The following SLC6A13 variants were observed in gnomAD, a reference collection of about 807,000 sequenced individuals.
SLC6A13 encodes the protein solute carrier family 6 member 13, also known as sodium- and chloride-dependent GABA transporter 2.
Under a neutral mutation model 72.9 loss-of-function variants are expected in SLC6A13, and 69 were observed. The ratio of observed to expected loss-of-function variants is 0.95; its 90% CI spans 0.78 to 1.16. The LOEUF is 1.16. Ranked by LOEUF, SLC6A13 falls within the 50% of genes most tolerant of loss-of-function variation. SLC6A13 has a pLI of 0.00. For synonymous variants in SLC6A13, 303 were observed against 303.0 expected (o/e 1.00, Z 0.00); for missense variants, 735 against 760.5 (o/e 0.97, Z 0.39).
At chr12:255,094 C>T (rs553143921) in intron 2 of SLC6A13, among the ~76,000 whole-genome samples, 1 of 152,214 alleles carries the variant, frequency 6.6e-6, no homozygotes, top group African/African-American at 2.4e-5. Flanking sequence ...TGAAAACTCT[C>T]GGATTGCTTA....
At chr12:261,721 T>G (rs1942932140) in intron 1 of SLC6A13, among the ~76,000 whole-genome samples, 1 of 151,266 alleles carries the variant, frequency 6.6e-6, no homozygotes, top group Admixed American at 6.6e-5. Flanking sequence ...AGGTCAGGAG[T>G]TTGAGACCAG....
intron 2 of SLC6A13, chr12:258,873 G>T: frequency 1.0e-6 from 1 of 967,480 alleles, no homozygotes; most frequent in Non-Finnish European, 1.2e-6. Context: ...TAAAAAGAGA[G>T]CCTATACTAG....
intron 2 of SLC6A13, among the ~76,000 whole-genome samples, chr12:258,345 C>T (rs1942813793): frequency 6.6e-6 from 1 of 152,210 alleles, no homozygotes; most frequent in Admixed American, 6.5e-5. Context: ...AGTTCCCACA[C>T]CTCCCCTCTG....
At chr12:248,283 A>T (rs139435608) in intron 2 of SLC6A13, among the ~76,000 whole-genome samples, 435 of 134,394 alleles carry the variant, frequency 3.2e-3, no homozygotes, top group African/African-American at 0.011. Flanking sequence ...GGATAGAAAG[A>T]TATACCATGC....
chr12:243,732 T>C lies in SLC6A13; in HGVS notation c.284A>G (p.Tyr95Cys), dbSNP rs1475773656. Residue 95 changes from tyrosine to cysteine, a missense_variant, in exon 3 of 15, where the codon TAC becomes TGC. Coordinates refer to ENST00000343164, the MANE Select transcript of SLC6A13 (RefSeq NM_016615.5). ...VFLLETALGQ[Y>C]TSQGGVTAWR... Reference sequence around the variant, plus strand: ...GGCTGTGACGCCTCCCTGGCTAGTGTACTGGCCTAGTGCTGTCTCCAGAAG... The same window carrying C: ...GGCTGTGACGCCTCCCTGGCTAGTGCACTGGCCTAGTGCTGTCTCCAGAAG... 1 of 1,613,842 alleles carries C rather than the reference T, an allele frequency of 6.2e-7. No individual in the cohort carries two copies. The highest frequency in any genetic ancestry group is 8.5e-7 in the Non-Finnish European group (1 of 1,179,792).
chr12:252,546 G>T (rs1942589816), intron 2 of SLC6A13, among the ~76,000 whole-genome samples: 1 of 152,218 alleles, frequency 6.6e-6, no homozygotes, highest in African/African-American at 2.4e-5. Flanking sequence ...ACTTCTCAAG[G>T]TTGTATTCTA....
At chr12:262,452 A>G (rs1380694208) in intron 1 of SLC6A13, among the ~76,000 whole-genome samples, 1 of 152,194 alleles carries the variant, frequency 6.6e-6, no homozygotes, top group Non-Finnish European at 1.5e-5. Flanking sequence ...CAGGTACTCA[A>G]ATTTTTGTTT....
At chr12:243,611 A>C in intron 3 of SLC6A13, 68 bp downstream of exon 3, 2 of 1,501,174 alleles carry the variant, frequency 1.3e-6, no homozygotes, top group South Asian at 2.5e-5. Context: ...CTAATCACTC[A>C]AGTCATTCCA....
intron 2 of SLC6A13, among the ~76,000 whole-genome samples, chr12:248,960 A>G (rs1256578615): frequency 2.6e-5 from 4 of 152,238 alleles, no homozygotes; most frequent in Non-Finnish European, 5.9e-5. Context: ...TAAATTAGAA[A>G]TCTATCAGAG....
chr12:226,088 A>G (rs1047130235), intron 9 of SLC6A13, among the ~76,000 whole-genome samples: 3 of 152,202 alleles, frequency 2.0e-5, no homozygotes, highest in African/African-American at 7.2e-5. Context: ...CTGTATATAT[A>G]TTTTTTCTCA....
chr12:223,799 G>A, intron 11 of SLC6A13, 193 bp downstream of exon 11: 1 of 598,728 alleles, frequency 1.7e-6, no homozygotes. Context: ...GGAGGTGGGT[G>A]GTCCATGCCC....
Position 220,829 on chromosome 12 carries a change from C to T in SLC6A13, c.*119G>A. On this transcript the variant is annotated 3_prime_UTR_variant, in exon 15 of 15. Coordinates refer to ENST00000343164, the MANE Select transcript of SLC6A13 (RefSeq NM_016615.5). ...CTCAGCAGGTGGACTCCAAAATACC[C>T]CTCTTGTCTTATCCACTCCAGGTCG... The T allele has an allele frequency of 3.1e-6, 4 of 1,285,352 alleles. No individual in the cohort carries two copies. Among genetic ancestry groups the T allele is most frequent in the South Asian group, 1.4e-5 (1 of 72,524 alleles). 79.6% of individuals were successfully genotyped at this position (1,285,352 alleles called of 1,614,324 possible).
chr12:262,766 AAAG>A lies in SLC6A13; in HGVS notation c.-6+20_-6+22del. On this transcript the variant is annotated intron_variant, in intron 1 of 14. Coordinates refer to ENST00000343164, the MANE Select transcript of SLC6A13 (RefSeq NM_016615.5). ...AGTCTGAGACGCAGAAATAGAAAAA[AAAG>A]AGAAGAAAACATTTCGAACCTTAGT... 2.2e-6 allele frequency: 2 copies of A among 910,604 alleles called. No individual in the cohort carries two copies. Among genetic ancestry groups the A allele is most frequent in the South Asian group, 1.0e-4 (2 of 19,780 alleles). The allele number at this position is 910,604 out of a possible 1,614,324, so 56.4% of individuals were successfully genotyped here.
At position 232,382 on chromosome 12, in the gene SLC6A13, G is replaced by A. The variant is rs556774024; in HGVS notation, c.831+2708C>T. ...GGAATCCAAGCCAAACTCTTCACCC[G>A]GCTTCAAAGCCTCCCCTCCACTCAG... On this transcript the variant is annotated intron_variant, in intron 7 of 14. Coordinates refer to ENST00000343164, the MANE Select transcript of SLC6A13 (RefSeq NM_016615.5). Among the ~76,000 whole-genome samples, 9 of 152,150 alleles carry A rather than the reference G, an allele frequency of 5.9e-5. No homozygotes were observed. In the South Asian group the frequency reaches 6.3e-4, roughly 11 times the overall value.
In SLC6A13 at chr12:220,972, G is replaced by A; in HGVS notation, c.1785C>T (p.Leu595=). 6.2e-7 allele frequency: 1 copy of A among 1,613,020 alleles called. No homozygotes were observed. Among genetic ancestry groups the A allele is most frequent in the East Asian group, 2.2e-5 (1 of 44,872 alleles). The change falls in exon 15 of 15, where the codon CTC becomes CTT. Residue 595 remains leucine (L), a synonymous_variant. Coordinates refer to ENST00000343164, the MANE Select transcript of SLC6A13 (RefSeq NM_016615.5). ...CCTAGCAGTGAGACTCTAGCTCTGT[G>A]AGTCTGAGCAGTGAGGTCCTGGGGG... is the stretch of plus-strand genomic sequence containing the variant. The part of the protein sequence containing the change: ...PATPRTSLLR[L]TELESHC
chr12:221,089 T>C lies in SLC6A13; in HGVS notation c.1687-19A>G. 1 of 1,576,426 alleles carries C rather than the reference T, an allele frequency of 6.3e-7. No individual in the cohort carries two copies. Among genetic ancestry groups the C allele is most frequent in the Non-Finnish European group, 8.6e-7 (1 of 1,163,130 alleles). On this transcript the variant is annotated intron_variant, in intron 14 of 14. Transcript: ENST00000343164. The stretch of plus-strand genomic sequence containing the variant: ...GGATTCTCTGCGGGGATAGCAGAGG[T>C]GGCTGTCAGGTGGTGGAGCGGGGGC...
At chr12:251,912 G>A (rs942186769) in intron 2 of SLC6A13, among the ~76,000 whole-genome samples, 4 of 152,196 alleles carry the variant, frequency 2.6e-5, no homozygotes, top group Non-Finnish European at 5.9e-5. Flanking sequence ...GCAGTGAGCC[G>A]TGACTGCACC....
chr12:237,050 A>G, intron 6 of SLC6A13, 108 bp downstream of exon 6: 1 of 1,237,138 alleles, frequency 8.1e-7, no homozygotes. Flanking sequence ...TCGCTGGGTC[A>G]TCGCCTCCCA....
At chr12:258,970 A>C (rs921734415) in intron 2 of SLC6A13, 2 of 985,316 alleles carry the variant, frequency 2.0e-6, no homozygotes, top group South Asian at 4.7e-5. Flanking sequence ...GGGAACCTTA[A>C]GACCACAGAA....
Sources: gnomAD v4.1 joint callset for allele counts (sites outside exome capture counted in the v4.1 genomes callset) on GRCh38, gnomAD v4.1.1 for gene constraint, MANE v1.5 for transcripts, NCBI Gene and HGNC (gene_info 2026-07-23, HGNC 2026-07-21) for gene names.